CYRIB: variants seen among roughly 807,000 people sequenced by gnomAD.
CYRIB encodes the protein CYFIP-related Rac1 interactor B.
CYRIB carries 8 observed loss-of-function variants against 44.2 expected under a neutral mutation model. The ratio of observed to expected loss-of-function variants is 0.18; its 90% CI spans 0.11 to 0.33. The LOEUF is 0.33. CYRIB is among the 10% of genes least tolerant of loss of function. The probability of loss-of-function intolerance (pLI) is 1.00; values close to 1 mark genes in which losing one functional copy is unlikely to be tolerated. For missense variants in CYRIB, 185 were observed against 382.8 expected, an observed-to-expected ratio of 0.48 and a Z score of 4.31; for synonymous variants, 131 against 127.2, an observed-to-expected ratio of 1.03 and a Z score of -0.20.
chr8:129,950,689 ATTAC>A (rs1406268507), intron 2 of CYRIB, among the ~76,000 whole-genome samples: 1 of 152,140 alleles, frequency 6.6e-6, no homozygotes, highest in Admixed American at 6.6e-5. Context: ...AACATTTTCT[ATTAC>A]TTATTATTAT....
chr8:129,869,096 GA>G (rs1236719528), intron 4 of CYRIB, among the ~76,000 whole-genome samples: 1 of 148,044 alleles, frequency 6.8e-6, no homozygotes, highest in African/African-American at 2.5e-5. Context: ...AAAGAAGAAA[GA>G]AAAAAAGGCT....
At chr8:129,999,935 A>G (rs2096870715) in intron 1 of CYRIB, among the ~76,000 whole-genome samples, 2 of 152,070 alleles carry the variant, frequency 1.3e-5, no homozygotes, top group African/African-American at 4.8e-5. Context: ...AGCCTCCCAT[A>G]AGGTTTTGAT....
chr8:130,006,217 C>G lies in CYRIB; in HGVS notation c.-296+10153G>C, dbSNP rs2097058092. 2.0e-5 allele frequency among the ~76,000 whole-genome samples: 3 copies of G among 151,942 alleles called. No homozygotes were observed. In the South Asian group the frequency reaches 6.2e-4, roughly 32 times the overall value. ...ACTCAGGAGGCTGAGGTATGAGAAT[C>G]GCTTGAACCCAGGAAGCGGAGGTTG... On this transcript the variant is annotated intron_variant, in intron 1 of 14. Coordinates refer to the CYRIB transcript ENST00000401979.
At chr8:129,848,204 C>A (rs2041322242) in intron 10 of CYRIB, among the ~76,000 whole-genome samples, 1 of 152,184 alleles carries the variant, frequency 6.6e-6, no homozygotes, top group Admixed American at 6.5e-5. Context: ...CAAGGGAGAA[C>A]AAACGTAAAA....
chr8:129,888,867 C>A (rs1039114786), intron 2 of CYRIB, among the ~76,000 whole-genome samples: 9 of 152,026 alleles, frequency 5.9e-5, no homozygotes, highest in Non-Finnish European at 1.3e-4. Context: ...CCGAGGTGGG[C>A]GGATCACCTG....
upstream of CYRIB, among the ~76,000 whole-genome samples, chr8:129,941,342 C>T (rs548528421): frequency 2.1e-5 from 3 of 140,576 alleles, no homozygotes; most frequent in East Asian, 2.2e-4. Flanking sequence ...GGCGCGATAT[C>T]GGCTCACTGC....
At chr8:129,887,547 G>A (rs993534945) in intron 2 of CYRIB, among the ~76,000 whole-genome samples, 4 of 152,174 alleles carry the variant, frequency 2.6e-5, no homozygotes, top group Admixed American at 6.5e-5. Context: ...TCCAGACCCC[G>A]GAATGGCAGA....
At chr8:130,009,824 GGATGTGATTT>G (rs1409410998) in intron 1 of CYRIB, among the ~76,000 whole-genome samples, 1 of 152,190 alleles carries the variant, frequency 6.6e-6, no homozygotes, top group Non-Finnish European at 1.5e-5. Flanking sequence ...TTCTGCAGTG[GGATGTGATTT>G]GCCCAAGGTC....
At chr8:129,864,046 G>C (rs925189661) in intron 4 of CYRIB, among the ~76,000 whole-genome samples, 1 of 152,204 alleles carries the variant, frequency 6.6e-6, no homozygotes, top group African/African-American at 2.4e-5. Flanking sequence ...ATTGAACCCA[G>C]ACAGATCTAA....
chr8:129,848,746 T>A (rs1001700833), intron 10 of CYRIB, among the ~76,000 whole-genome samples: 1 of 151,804 alleles, frequency 6.6e-6, no homozygotes, highest in Admixed American at 6.6e-5. Flanking sequence ...TTTTTTTTTT[T>A]TTTTTGTAGA....
intron 1 of CYRIB, among the ~76,000 whole-genome samples, chr8:130,001,525 C>CTTTTTT (rs1325066581): frequency 2.5e-4 from 30 of 120,342 alleles, no homozygotes; most frequent in Non-Finnish European, 3.8e-4. Flanking sequence ...AAAATAATTT[C>CTTTTTT]TTTTTTTTTT....
intron 2 of CYRIB, among the ~76,000 whole-genome samples, chr8:129,889,354 G>A: frequency 6.6e-6 from 1 of 152,198 alleles, no homozygotes; most frequent in African/African-American, 2.4e-5. Context: ...TTTTCATGCT[G>A]CTAACACAAT....
chr8:129,975,663 C>T (rs1474265595), intron 1 of CYRIB, among the ~76,000 whole-genome samples: 1 of 152,184 alleles, frequency 6.6e-6, no homozygotes, highest in East Asian at 1.9e-4. Flanking sequence ...CATAATTATT[C>T]TGACACTTTC....
intron 10 of CYRIB, among the ~76,000 whole-genome samples, chr8:129,847,935 G>A (rs531397976): frequency 1.3e-5 from 2 of 152,220 alleles, no homozygotes; most frequent in Admixed American, 6.5e-5. Context: ...CCGAGTAGCT[G>A]GGACTACAGA....
At chr8:129,977,821 T>C (rs575346930) in intron 1 of CYRIB, among the ~76,000 whole-genome samples, 213 of 152,278 alleles carry the variant, frequency 1.4e-3, no homozygotes, top group Non-Finnish European at 2.1e-3. Context: ...CGTGAGCCAC[T>C]GCTCCCGTCC....
Position 129,881,377 on chromosome 8 carries a change from T to C in CYRIB, c.-10-1906A>G, listed in dbSNP as rs2060746372. 2.0e-5 allele frequency among the ~76,000 whole-genome samples: 3 copies of C among 152,134 alleles called. No individual in the cohort carries two copies. In the South Asian group the frequency reaches 6.2e-4, roughly 31 times the overall value. ...CTCCAAAGATCCCGTTGCTGGCAAA[T>C]GTAAATAAGGCAAAACATAAAACAA... On this transcript the variant is annotated intron_variant, in intron 2 of 11. Transcript: ENST00000519824.
At chr8:129,987,164 C>G (rs2096486109) in intron 1 of CYRIB, among the ~76,000 whole-genome samples, 1 of 152,198 alleles carries the variant, frequency 6.6e-6, no homozygotes, top group Admixed American at 6.5e-5. Flanking sequence ...GCTTGAGAAA[C>G]AAGAAAGAAA....
chr8:129,855,476 C>T (rs2045760228), intron 6 of CYRIB, 135 bp downstream of exon 8: 5 of 854,238 alleles, frequency 5.9e-6, no homozygotes, highest in Non-Finnish European at 5.2e-6. Context: ...ATTTCTAAAT[C>T]CAGCTTTGCA....
At chr8:129,981,435 G>C (rs1470957396) in intron 1 of CYRIB, among the ~76,000 whole-genome samples, 4 of 152,216 alleles carry the variant, frequency 2.6e-5, no homozygotes, top group African/African-American at 9.6e-5. Context: ...ACAGGTGTGA[G>C]CCACTGTGCC....
Sources: allele counts gnomAD v4.1 joint callset (sites outside exome capture counted in the v4.1 genomes callset), GRCh38; gene constraint gnomAD v4.1.1; transcripts MANE v1.5; gene names NCBI Gene and HGNC (gene_info 2026-07-23, HGNC 2026-07-21).